The following COL11A1 variants were observed in gnomAD, a reference collection of about 807,000 sequenced individuals.
COL11A1 encodes collagen type XI alpha 1 chain, also known as collagen alpha-1(XI) chain.
In COL11A1, 74 loss-of-function variants were observed where a neutral mutation model predicts 265.2. The observed-to-expected ratio is 0.28, with a 90% confidence interval of 0.23 to 0.34. The LOEUF (loss-of-function observed/expected upper bound fraction) is 0.34, where lower values mean the gene tolerates loss of function less well. COL11A1 is among the 10% of genes least tolerant of loss of function. The pLI, the probability that COL11A1 is intolerant of heterozygous loss-of-function variation, is 1.00. For synonymous variants in COL11A1, 816 were observed against 727.6 expected, an observed-to-expected ratio of 1.12 and a Z score of -1.96; for missense variants, 2,165 against 2,263.6, an observed-to-expected ratio of 0.96 and a Z score of 0.88.
rs1570633309 is a variant in COL11A1 at position 102,888,033 on chromosome 1, C to T, written c.4608+544G>A. ...ACTCTGTGGTACTTTGCTATGGTAG[C>T]CCTAGCAAACTAGTATACATATAGT... On this transcript the variant is annotated intron_variant, in intron 62 of 66. Coordinates refer to ENST00000370096, the MANE Select transcript of COL11A1 (RefSeq NM_001854.4). Among the ~76,000 whole-genome samples, 3 of 152,026 alleles carry T rather than the reference C, an allele frequency of 2.0e-5. No homozygotes were observed. In the East Asian group the frequency reaches 5.8e-4, roughly 29 times the overall value.
intron 49 of COL11A1, 25 bp downstream of exon 49, chr1:102,920,286 A>G (rs1215363038): frequency 1.2e-6 from 2 of 1,607,874 alleles, no homozygotes; most frequent in East Asian, 2.2e-5. Context: ...TGCTGTTTCA[A>G]ACTGTGTGTC....
rs201967902 is a variant in COL11A1 at position 103,025,969 on chromosome 1, A to C, written c.897+247T>G. Reference sequence around the variant, plus strand: ...TTTCTTTTTCTGTAAAATGTGGTGAAAGATGGAATGGAAAACATAAATAAA... The same window carrying C: ...TTTCTTTTTCTGTAAAATGTGGTGACAGATGGAATGGAAAACATAAATAAA... On this transcript the variant is annotated intron_variant, in intron 6 of 66. Transcript: ENST00000370096. 1.1e-4 allele frequency: 169 copies of C among 1,607,156 alleles called. 1 individual carries two copies. In the Middle Eastern group the frequency reaches 2.7e-3, roughly 25 times the overall value.
intron 1 of COL11A1, among the ~76,000 whole-genome samples, chr1:103,096,611 G>A (rs1183992761): frequency 1.3e-5 from 2 of 151,880 alleles, no homozygotes; most frequent in South Asian, 4.1e-4. Flanking sequence ...AACTTTAGGA[G>A]TTGACAGCCT....
chr1:102,962,055 G>T, intron 40 of COL11A1, 121 bp downstream of exon 40: 1 of 1,034,164 alleles, frequency 9.7e-7, no homozygotes, highest in Non-Finnish European at 1.5e-6. Flanking sequence ...TATATGTAAT[G>T]ATAATCAAAT....
chr1:102,882,041 A>G (rs1241180), intron 64 of COL11A1, among the ~76,000 whole-genome samples: 1 of 152,144 alleles, frequency 6.6e-6, no homozygotes, highest in African/African-American at 2.4e-5. Flanking sequence ...GTATAGGCAT[A>G]CTAAGGGTTA....
intron 28 of COL11A1, among the ~76,000 whole-genome samples, chr1:102,994,837 GT>G (rs879730478): frequency 6.6e-6 from 1 of 151,936 alleles, no homozygotes; most frequent in Non-Finnish European, 1.5e-5. Context: ...AGGGAAAGAG[GT>G]TTAATTGACT....
intron 4 of COL11A1, among the ~76,000 whole-genome samples, chr1:103,067,454 T>G (rs71664980): frequency 0.037 from 5,661 of 151,884 alleles, 123 homozygotes; most frequent in Middle Eastern, 0.092. Flanking sequence ...AAAAATGACA[T>G]AGTAAAATTG....
intron 49 of COL11A1, among the ~76,000 whole-genome samples, chr1:102,916,088 A>G (rs1385817295): frequency 6.6e-6 from 1 of 152,224 alleles, no homozygotes; most frequent in Non-Finnish European, 1.5e-5. Context: ...TATTTATCTT[A>G]ACTACAACAA....
intron 15 of COL11A1, among the ~76,000 whole-genome samples, chr1:103,007,955 G>A (rs1283947051): frequency 1.3e-5 from 2 of 151,236 alleles, no homozygotes; most frequent in East Asian, 3.9e-4. Context: ...CCAGTCTGAA[G>A]GCATGGGCCA....
rs368094547 is a variant in COL11A1 at position 103,004,681 on chromosome 1, A to G, written c.1846-20T>C. On this transcript the variant is annotated intron_variant, in intron 18 of 66. Transcript: ENST00000370096. ...TTCACCCTGTTAAATCAATACAAATAAGATTAGCATATGGAAAGAAGTAGA... is the reference window on the plus strand; with the variant it reads ...TTCACCCTGTTAAATCAATACAAATGAGATTAGCATATGGAAAGAAGTAGA... 1 of 1,598,082 alleles carries G rather than the reference A, an allele frequency of 6.3e-7. No individual in the cohort carries two copies. The highest frequency in any genetic ancestry group is 8.6e-7 in the Non-Finnish European group (1 of 1,168,304).
At chr1:102,955,984 A>G (rs1047227514) in intron 41 of COL11A1, among the ~76,000 whole-genome samples, 20 of 152,190 alleles carry the variant, frequency 1.3e-4, no homozygotes, top group African/African-American at 4.8e-4. Context: ...TACAGGGAAC[A>G]CTTGGTTTTC....
At position 102,996,917 on chromosome 1, in the gene COL11A1, A is replaced by G. The variant is rs2786125; in HGVS notation, c.2241+163T>C. ...TTTTAAAAAGAGAGAACATAGTCTA[A>G]TTTCTAAAATTACTGATATAAAATT... On this transcript the variant is annotated intron_variant, in intron 26 of 66. Transcript: ENST00000370096. Among the ~76,000 whole-genome samples, 130,879 of 151,854 alleles carry G rather than the reference A, an allele frequency of 0.86. 57,469 individuals are homozygous for G. Among genetic ancestry groups the G allele is most frequent in the Non-Finnish European group, 0.94 (63,590 of 67,850 alleles).
At chr1:102,887,960 T>C (rs61100628) in intron 62 of COL11A1, among the ~76,000 whole-genome samples, 2,832 of 152,242 alleles carry the variant, frequency 0.019, 76 homozygotes, top group African/African-American at 0.064. Context: ...CTAGGACTTC[T>C]AGCCTCCAAC....
intron 14 of COL11A1, among the ~76,000 whole-genome samples, chr1:103,009,820 T>C (rs996669379): frequency 6.6e-6 from 1 of 152,134 alleles, no homozygotes; most frequent in African/African-American, 2.4e-5. Flanking sequence ...AATTTTCTAA[T>C]CTTTAAAATT....
rs1414790194 is a variant in COL11A1 at position 102,876,865 on chromosome 1, T to C, written c.*1154A>G. ...CTTAATAACAGTCCACCATATGTTA[T>C]TCATTTAGCAATTAGGTAGGTCAAA... On this transcript the variant is annotated 3_prime_UTR_variant, in exon 67 of 67. Transcript: ENST00000370096. The C allele has an allele frequency of 1.3e-5, 2 of 152,272 alleles. No individual in the cohort carries two copies. Among genetic ancestry groups the C allele is most frequent in the African/African-American group, 4.8e-5 (2 of 41,470 alleles). The allele number at this position is 152,272 out of a possible 1,614,324, so 9.4% of individuals were successfully genotyped here.
intron 28 of COL11A1, 42 bp downstream of exon 28, chr1:102,995,822 T>C (rs776276790): frequency 6.7e-7 from 1 of 1,488,244 alleles, no homozygotes; most frequent in South Asian, 1.1e-5. Context: ...AATGTTAACA[T>C]AATACACAGA....
At chr1:102,911,322 T>C (rs1179281561) in intron 54 of COL11A1, among the ~76,000 whole-genome samples, 1 of 152,158 alleles carries the variant, frequency 6.6e-6, no homozygotes, top group Non-Finnish European at 1.5e-5. Flanking sequence ...ACATTCTATG[T>C]TTAATGTGAG....
At chr1:102,928,412 C>A (rs1470441581) in intron 46 of COL11A1, among the ~76,000 whole-genome samples, 1 of 151,748 alleles carries the variant, frequency 6.6e-6, no homozygotes, top group Non-Finnish European at 1.5e-5. Flanking sequence ...CATCCATGTC[C>A]CTACAAAGGA....
intron 13 of COL11A1, among the ~76,000 whole-genome samples, 192 bp downstream of exon 13, chr1:103,014,319 A>T (rs2101898426): frequency 6.6e-6 from 1 of 152,296 alleles, no homozygotes; most frequent in South Asian, 2.1e-4. Flanking sequence ...CAACTACCTA[A>T]CTATAATTTT....
Sources: gnomAD v4.1 joint callset for allele counts (sites outside exome capture counted in the v4.1 genomes callset) on GRCh38, gnomAD v4.1.1 for gene constraint, MANE v1.5 for transcripts, NCBI Gene and HGNC (gene_info 2026-07-23, HGNC 2026-07-21) for gene names.